The following ANKRD11 variants were observed in gnomAD, a reference collection of about 807,000 sequenced individuals.
ANKRD11 encodes ankyrin repeat domain 11.
ANKRD11 carries 17 observed loss-of-function variants against 195.7 expected under a neutral mutation model. That is an observed-to-expected ratio of 0.09 (90% CI 0.06 to 0.13). The LOEUF is 0.13. ANKRD11 is among the 10% of genes least tolerant of loss of function. The probability of loss-of-function intolerance (pLI) is 1.00; values close to 1 mark genes in which losing one functional copy is unlikely to be tolerated. For synonymous variants in ANKRD11, 1,953 were observed against 1,528.1 expected, an observed-to-expected ratio of 1.28 and a Z score of -6.49; for missense variants, 3,735 against 3,566.1, an observed-to-expected ratio of 1.05 and a Z score of -1.21.
At chr16:89,353,106 G>A (rs921501672) in intron 2 of ANKRD11, among the ~76,000 whole-genome samples, 1 of 152,194 alleles carries the variant, frequency 6.6e-6, no homozygotes, top group Non-Finnish European at 1.5e-5. Flanking sequence ...CACTTTGGGA[G>A]GCCAAGGCAG....
rs556157233 is a variant in ANKRD11 at position 89,461,516 on chromosome 16, A to G, written c.-145+28729T>C. On this transcript the variant is annotated intron_variant, in intron 1 of 12. Coordinates refer to ENST00000301030, the MANE Select transcript of ANKRD11 (RefSeq NM_013275.6). ...GCCACCACGCCTGGCTAACTTTTGT[A>G]TTTTTTGTAGAAACAGGGTATCTTC... Among the ~76,000 whole-genome samples, 3 of 152,124 alleles carry G rather than the reference A, an allele frequency of 2.0e-5. No individual in the cohort carries two copies. The East Asian group carries it at 5.8e-4, about 29-fold the overall frequency.
rs1257714722 is a variant in ANKRD11, at chr16:89,384,874, G to GTTT, written c.-60+33407_-60+33409dup. 1.4e-3 allele frequency among the ~76,000 whole-genome samples: 105 copies of GTTT among 72,750 alleles called. 4 individuals carry two copies. Among genetic ancestry groups the GTTT allele is most frequent in the African/African-American group, 5.2e-3 (93 of 17,776 alleles). 47.7% of individuals were successfully genotyped at this position (72,750 alleles called of 152,430 possible). On this transcript the variant is annotated intron_variant, in intron 2 of 12. Transcript: ENST00000301030. ...GTGTGGGAGCACACAATGAGAAATA[G>GTTT]TTTTCTTTTTTTTTTTTTTTTTTTT...
chr16:89,330,855 T>C (rs530511982), intron 2 of ANKRD11, among the ~76,000 whole-genome samples: 1 of 152,192 alleles, frequency 6.6e-6, no homozygotes, highest in Non-Finnish European at 1.5e-5. Context: ...CTTCCCCCAG[T>C]GGCTTTTGAT....
intron 3 of ANKRD11, among the ~76,000 whole-genome samples, chr16:89,312,207 C>T (rs906201065): frequency 1.3e-5 from 2 of 152,202 alleles, no homozygotes. Flanking sequence ...CAGGAACTTC[C>T]ACTTCTTAAA....
intron 1 of ANKRD11, among the ~76,000 whole-genome samples, chr16:89,455,666 C>T (rs938579129): frequency 2.0e-5 from 3 of 152,092 alleles, no homozygotes; most frequent in Non-Finnish European, 2.9e-5. Context: ...TGGAGAGGAA[C>T]TTACCTGCTC....
chr16:89,310,116 C>T (rs1399191501), intron 3 of ANKRD11, among the ~76,000 whole-genome samples: 3 of 152,254 alleles, frequency 2.0e-5, no homozygotes, highest in Non-Finnish European at 4.4e-5. Context: ...GAATGAGAGT[C>T]GTGTTGTCCA....
At chr16:89,486,631 A>C (rs979029431) in intron 1 of ANKRD11, among the ~76,000 whole-genome samples, 1 of 152,158 alleles carries the variant, frequency 6.6e-6, no homozygotes, top group African/African-American at 2.4e-5. Flanking sequence ...AGCCAGAATG[A>C]CTGGAAGCTT....
chr16:89,281,412 T>A lies in ANKRD11; in HGVS notation c.5130A>T (p.Leu1710=). 1 of 1,611,120 alleles carries A rather than the reference T, an allele frequency of 6.2e-7. No individual in the cohort carries two copies. Among genetic ancestry groups the A allele is most frequent in the Non-Finnish European group, 8.5e-7 (1 of 1,177,938 alleles). The change falls in exon 9 of 13, where the codon CTA becomes CTT. Residue 1710 remains leucine, a synonymous_variant. Coordinates refer to ENST00000301030, the MANE Select transcript of ANKRD11 (RefSeq NM_013275.6). This position sits in a 1 kb window ranked among gnomAD's most constrained non-coding sequence, Gnocchi z 5.5. ...PTGVPTPTSV[L]SCPSYEEVMH... ...TCACCTCCTCGTAGCTGGGGCAGGATAGCACCGACGTAGGGGTGGGCACGC... is the reference window on the plus strand; with the variant it reads ...TCACCTCCTCGTAGCTGGGGCAGGAAAGCACCGACGTAGGGGTGGGCACGC...
intron 1 of ANKRD11, among the ~76,000 whole-genome samples, chr16:89,459,775 C>T (rs1195007089): frequency 6.6e-6 from 1 of 151,858 alleles, no homozygotes; most frequent in East Asian, 1.9e-4. Flanking sequence ...TGTCTACAAA[C>T]AATAAAAAAG....
intron 1 of ANKRD11, among the ~76,000 whole-genome samples, chr16:89,466,488 T>G (rs564080206): frequency 1.1e-4 from 16 of 152,146 alleles, no homozygotes; most frequent in Admixed American, 5.9e-4. Flanking sequence ...TTTTGTATTC[T>G]GTGAACCAGA....
chr16:89,336,795 G>GT (rs2038378068), intron 2 of ANKRD11, among the ~76,000 whole-genome samples: 1 of 152,124 alleles, frequency 6.6e-6, no homozygotes, highest in Non-Finnish European at 1.5e-5. Flanking sequence ...CAATACAAGT[G>GT]TAACATTTTA....
At chr16:89,276,892 C>T (rs1045502903) in intron 9 of ANKRD11, among the ~76,000 whole-genome samples, 2 of 151,946 alleles carry the variant, frequency 1.3e-5, no homozygotes, top group Non-Finnish European at 2.9e-5. Context: ...CCTGTCTCTA[C>T]AGAAAATGCA....
chr16:89,386,040 C>G (rs1418053051), intron 2 of ANKRD11, among the ~76,000 whole-genome samples: 2 of 152,222 alleles, frequency 1.3e-5, no homozygotes, highest in South Asian at 2.1e-4. Context: ...CCGCCATGCC[C>G]GCAAACTGGG....
At chr16:89,288,761 C>CG (rs2151784563) in intron 6 of ANKRD11, 91 bp from the exon 7 acceptor site, 1 of 1,590,064 alleles carries the variant, frequency 6.3e-7, no homozygotes, top group East Asian at 2.2e-5. Flanking sequence ...TGCTACAGTG[C>CG]GGGGACAAGC....
intron 2 of ANKRD11, among the ~76,000 whole-genome samples, chr16:89,347,864 C>G (rs2039017501): frequency 6.6e-6 from 1 of 152,086 alleles, no homozygotes; most frequent in Non-Finnish European, 1.5e-5. Flanking sequence ...CTCAGAACGT[C>G]CTCCATCAGA....
Position 89,291,282 on chromosome 16 carries a change from C to T in ANKRD11, c.227-99G>A, listed in dbSNP as rs1341807427. 2.8e-6 allele frequency: 4 copies of T among 1,441,966 alleles called. No homozygotes were observed. Among genetic ancestry groups the T allele is most frequent in the Non-Finnish European group, 3.8e-6 (4 of 1,049,738 alleles). 89.3% of individuals were successfully genotyped at this position (1,441,966 alleles called of 1,614,324 possible). A position where few individuals can be genotyped will look rare whatever the true frequency, so the allele number is the denominator to read the frequency against. ...AATGTTACGGAGCCCCCTGCGTCCACCTGACAGCTGACAGAGCAGAAAGGA... is the reference window on the plus strand; with the variant it reads ...AATGTTACGGAGCCCCCTGCGTCCATCTGACAGCTGACAGAGCAGAAAGGA... On this transcript the variant is annotated intron_variant, in intron 4 of 12. Coordinates refer to ENST00000301030, the MANE Select transcript of ANKRD11 (RefSeq NM_013275.6). This position sits in a 1 kb window ranked among gnomAD's most constrained non-coding sequence, Gnocchi z 5.3.
At chr16:89,310,543 C>T (rs1013510598) in intron 3 of ANKRD11, among the ~76,000 whole-genome samples, 3 of 152,150 alleles carry the variant, frequency 2.0e-5, no homozygotes, top group African/African-American at 7.2e-5. Context: ...GAGATGGCAT[C>T]CAGTTTTGAG....
intron 1 of ANKRD11, among the ~76,000 whole-genome samples, chr16:89,487,777 AAAAAT>A (rs1258450943): frequency 1.3e-5 from 2 of 152,228 alleles, no homozygotes. Flanking sequence ...CCAAAAAAAT[AAAAAT>A]AAAATAAAAT....
chr16:89,460,576 A>AAAATT (rs1264884698), intron 1 of ANKRD11, among the ~76,000 whole-genome samples: 1 of 152,126 alleles, frequency 6.6e-6, no homozygotes, highest in Non-Finnish European at 1.5e-5. Flanking sequence ...AAACAAAACA[A>AAAATT]AAATTAAATT....
Sources: gnomAD v4.1 joint callset for allele counts (sites outside exome capture counted in the v4.1 genomes callset) on GRCh38, gnomAD v4.1.1 for gene constraint, Gnocchi (gnomAD v3.1) non-coding constraint, MANE v1.5 for transcripts, NCBI Gene and HGNC (gene_info 2026-07-23, HGNC 2026-07-21) for gene names.